The following WWOX variants were observed in gnomAD, a reference collection of about 807,000 sequenced individuals.
The protein encoded by WWOX is WW domain containing oxidoreductase.
Under a neutral mutation model 46.2 loss-of-function variants are expected in WWOX, and 69 were observed. That is an observed-to-expected ratio of 1.49 (90% confidence interval 1.23 to 1.82). The LOEUF is 1.82. Among genes scored for constraint, WWOX ranks in the 40% most tolerant of loss-of-function variants. The pLI, the probability that WWOX is intolerant of heterozygous loss-of-function variation, is 0.00. For missense variants in WWOX, 919 were observed against 542.6 expected, an observed-to-expected ratio of 1.69 and a Z score of -6.89; for synonymous variants, 359 against 202.6, an observed-to-expected ratio of 1.77 and a Z score of -6.56.
intron 8 of WWOX, among the ~76,000 whole-genome samples, chr16:78,908,699 G>A (rs550747636): frequency 3.5e-4 from 54 of 152,184 alleles, no homozygotes; most frequent in African/African-American, 1.3e-3. Context: ...TGATTGGTCA[G>A]GTTTGAGATG....
At chr16:78,310,348 GCA>G (rs1337830199) in intron 5 of WWOX, among the ~76,000 whole-genome samples, 2 of 152,138 alleles carry the variant, frequency 1.3e-5, no homozygotes, top group Admixed American at 6.6e-5. Context: ...ACACATGCAC[GCA>G]CACACAGCCT....
intron 5 of WWOX, among the ~76,000 whole-genome samples, chr16:78,196,229 G>T (rs1182250816): frequency 6.6e-6 from 1 of 152,194 alleles, no homozygotes. Flanking sequence ...ATTGCAAGCT[G>T]TTTAAAATAT....
intron 8 of WWOX, among the ~76,000 whole-genome samples, chr16:78,471,871 T>G (rs1219077324): frequency 6.6e-6 from 1 of 152,222 alleles, no homozygotes; most frequent in East Asian, 1.9e-4. Flanking sequence ...ATGTACCAAT[T>G]TGCAATTTTT....
At chr16:78,358,889 A>T (rs1344663322) in intron 5 of WWOX, among the ~76,000 whole-genome samples, 1 of 49,882 alleles carries the variant, frequency 2.0e-5, no homozygotes. Flanking sequence ...TTTTTTAACC[A>T]GACATATAGT....
chr16:78,522,724 G>T (rs1353849827), intron 8 of WWOX, among the ~76,000 whole-genome samples: 1 of 152,246 alleles, frequency 6.6e-6, no homozygotes, highest in Non-Finnish European at 1.5e-5. Context: ...CAACAGAGGA[G>T]CTCTGATGAG....
intron 8 of WWOX, among the ~76,000 whole-genome samples, chr16:78,908,532 T>G (rs1369181183): frequency 1.1e-5 from 1 of 88,972 alleles, no homozygotes. Flanking sequence ...AGACTGAAAC[T>G]CTGTCTCGGA....
At chr16:79,020,459 C>A (rs2047511389) in intron 8 of WWOX, among the ~76,000 whole-genome samples, 1 of 152,156 alleles carries the variant, frequency 6.6e-6, no homozygotes, top group Non-Finnish European at 1.5e-5. Context: ...AAATGGGGAT[C>A]ATGATAGTCT....
chr16:78,295,191 C>A (rs1210935355), intron 5 of WWOX, among the ~76,000 whole-genome samples: 1 of 152,154 alleles, frequency 6.6e-6, no homozygotes, highest in African/African-American at 2.4e-5. Flanking sequence ...GATGTATCAT[C>A]TACAACCCTG....
intron 5 of WWOX, among the ~76,000 whole-genome samples, chr16:78,302,345 G>C (rs7203015): frequency 0.25 from 38,101 of 151,844 alleles, 5,135 homozygotes; most frequent in South Asian, 0.46. Context: ...AAAGTTTTAG[G>C]ATTAATTATC....
At chr16:78,797,499 T>C (rs185779113) in intron 8 of WWOX, among the ~76,000 whole-genome samples, 1 of 152,112 alleles carries the variant, frequency 6.6e-6, no homozygotes, top group Non-Finnish European at 1.5e-5. Context: ...CGAGGCAGCC[T>C]GGAGTCAAGA....
intron 8 of WWOX, among the ~76,000 whole-genome samples, chr16:78,871,602 A>G (rs980520294): frequency 6.6e-5 from 10 of 152,178 alleles, no homozygotes; most frequent in African/African-American, 1.9e-4. Flanking sequence ...GAAATGCACT[A>G]GGTAACAGGC....
chr16:78,853,973 A>G (rs1187627577), intron 8 of WWOX, among the ~76,000 whole-genome samples: 1 of 152,190 alleles, frequency 6.6e-6, no homozygotes, highest in African/African-American at 2.4e-5. Flanking sequence ...AATTTCCAGA[A>G]TGTTCGATTA....
chr16:78,708,868 C>A (rs1011676064), intron 8 of WWOX, among the ~76,000 whole-genome samples: 1 of 152,168 alleles, frequency 6.6e-6, no homozygotes, highest in Non-Finnish European at 1.5e-5. Flanking sequence ...ATGCAAAGGA[C>A]CCTCAGTATA....
chr16:78,527,180 A>G (rs114479403), intron 8 of WWOX, among the ~76,000 whole-genome samples: 1,757 of 152,302 alleles, frequency 0.012, 14 homozygotes, highest in African/African-American at 0.021. Flanking sequence ...AAAATGATGT[A>G]GGAATGAACA....
At chr16:79,052,482 C>T (rs918108901) in intron 8 of WWOX, among the ~76,000 whole-genome samples, 3 of 152,210 alleles carry the variant, frequency 2.0e-5, no homozygotes, top group Non-Finnish European at 4.4e-5. Context: ...CACATGCACA[C>T]ATATGTTTAT....
At chr16:78,747,176 G>A (rs528829414) in intron 8 of WWOX, among the ~76,000 whole-genome samples, 5 of 149,762 alleles carry the variant, frequency 3.3e-5, no homozygotes, top group Non-Finnish European at 5.9e-5. Flanking sequence ...GTGGTGGGGG[G>A]CACTTTCTTG....
At chr16:78,457,777 G>T (rs979551251) in intron 8 of WWOX, among the ~76,000 whole-genome samples, 1 of 151,898 alleles carries the variant, frequency 6.6e-6, no homozygotes, top group Non-Finnish European at 1.5e-5. Context: ...ATAGCTGGGC[G>T]TGGTGGCGGG....
At chr16:78,733,304 A>G (rs2049008438) in intron 8 of WWOX, among the ~76,000 whole-genome samples, 1 of 152,118 alleles carries the variant, frequency 6.6e-6, no homozygotes. Flanking sequence ...AAAAATAATA[A>G]ATTAGCTGAG....
intron 8 of WWOX, among the ~76,000 whole-genome samples, chr16:78,484,532 C>T (rs574787203): frequency 2.6e-5 from 4 of 152,262 alleles, no homozygotes; most frequent in African/African-American, 9.6e-5. Flanking sequence ...TGCGTGTTAT[C>T]CACAATTGAC....
Sources: gnomAD v4.1 joint callset for allele counts (sites outside exome capture counted in the v4.1 genomes callset) on GRCh38, gnomAD v4.1.1 for gene constraint, MANE v1.5 for transcripts, NCBI Gene and HGNC (gene_info 2026-07-23, HGNC 2026-07-21) for gene names.